The following TOR1AIP1 variants were observed in gnomAD, a reference collection of about 807,000 sequenced individuals.
TOR1AIP1 encodes torsin 1A interacting protein 1, also known as torsin-1A-interacting protein 1.
In TOR1AIP1, 54 loss-of-function variants were observed where a neutral mutation model predicts 63.3. The ratio of observed to expected loss-of-function variants is 0.85; its 90% CI spans 0.69 to 1.07. TOR1AIP1 has a LOEUF of 1.07. Ranked by LOEUF, TOR1AIP1 falls within the 50% of genes least tolerant of loss-of-function variation. The pLI is 0.00. For missense variants in TOR1AIP1, 736 were observed against 715.0 expected, an observed-to-expected ratio of 1.03 and a Z score of -0.33; for synonymous variants, 294 against 273.5, an observed-to-expected ratio of 1.07 and a Z score of -0.74.
intron 3 of TOR1AIP1, among the ~76,000 whole-genome samples, chr1:179,893,464 A>G: frequency 6.6e-6 from 1 of 152,032 alleles, no homozygotes; most frequent in East Asian, 1.9e-4. Context: ...TTTTTGAGAC[A>G]GAGTCTCAAT....
intron 3 of TOR1AIP1, among the ~76,000 whole-genome samples, chr1:179,899,574 GT>G (rs980637848): frequency 1.3e-5 from 2 of 151,994 alleles, no homozygotes; most frequent in South Asian, 4.2e-4. Context: ...AGAATTTAAT[GT>G]TTTTTTTGCA....
intron 2 of TOR1AIP1, 118 bp downstream of exon 2, chr1:179,884,887 G>A (rs1647868970): frequency 1.5e-6 from 1 of 680,886 alleles, no homozygotes; most frequent in Admixed American, 3.4e-5. Flanking sequence ...GAGTACTCAA[G>A]AGTACCAGCC....
At chr1:179,901,458 TA>T (rs1320226571) in intron 5 of TOR1AIP1, 70 bp downstream of exon 5, 30 of 967,134 alleles carry the variant, frequency 3.1e-5, no homozygotes, top group Admixed American at 6.0e-5. Context: ...ATTTGCTTTT[TA>T]AAAAAAACTT....
At chr1:179,902,192 A>C (rs913104005) in intron 5 of TOR1AIP1, among the ~76,000 whole-genome samples, 1 of 150,212 alleles carries the variant, frequency 6.7e-6, no homozygotes, top group African/African-American at 2.5e-5. Flanking sequence ...CATCTGGCTA[A>C]TTTTTGTATT....
intron 3 of TOR1AIP1, among the ~76,000 whole-genome samples, chr1:179,892,880 A>T (rs1007162605): frequency 6.6e-6 from 1 of 152,064 alleles, no homozygotes; most frequent in African/African-American, 2.4e-5. Flanking sequence ...ATTTAAATTC[A>T]TTTTTTTGTG....
chr1:179,918,055 T>A lies in TOR1AIP1; in HGVS notation c.1568T>A (p.Leu523Gln), dbSNP rs201388189. ...GAGGAAGAGACACTTGGAACAAGTC[T>A]AGGCCTAAAGGAAGTTGAAGAAAAA... Reference protein sequence around the residue: ...LLEEETLGTSLGLKEVEEKVR... With the variant: ...LLEEETLGTSQGLKEVEEKVR... The change falls in exon 10 of 10, where the codon CTA (leucine) becomes CAA (glutamine). Residue 523 changes from leucine to glutamine, a missense_variant. Leu to Gln is a moderately radical substitution (Grantham distance 113). Transcript: ENST00000606911. The A allele has an allele frequency of 6.2e-7, 1 of 1,614,234 alleles. No homozygotes were observed. Among genetic ancestry groups the A allele is most frequent in the East Asian group, 2.2e-5 (1 of 44,884 alleles).
chr1:179,884,736 A>G lies in TOR1AIP1; in HGVS notation c.520A>G (p.Lys174Glu). The change falls in exon 2 of 10, where the codon AAG becomes GAG. Residue 174 changes from lysine (K) to glutamate (E), a missense_variant. Lys to Glu is a moderately conservative substitution (Grantham distance 56, BLOSUM62 1). Transcript: ENST00000606911. Reference protein sequence around the residue: ...SQTDLSQTISKKTVRSIQEAP... With the variant: ...SQTDLSQTISEKTVRSIQEAP... ...AACTGATTTAAGCCAAACGATCTCA[A>G]AGAAAACTGTCAGGAGCATACAAGA... 6.2e-7 allele frequency: 1 copy of G among 1,612,514 alleles called. No homozygotes were observed. The highest frequency in any genetic ancestry group is 8.5e-7 in the Non-Finnish European group (1 of 1,179,472).
At chr1:179,883,026 G>A (rs745875967) in intron 1 of TOR1AIP1, 49 bp downstream of exon 1, 1 of 1,544,698 alleles carries the variant, frequency 6.5e-7, no homozygotes, top group Non-Finnish European at 8.8e-7. Context: ...GGGAACGCGC[G>A]GGGGCGGGCG....
intron 3 of TOR1AIP1, among the ~76,000 whole-genome samples, chr1:179,890,025 T>C (rs1214854566): frequency 6.6e-6 from 1 of 152,204 alleles, no homozygotes; most frequent in Non-Finnish European, 1.5e-5. Flanking sequence ...TATAAAAAGC[T>C]TCCTTTTTTA....
At chr1:179,913,841 A>G (rs1463645484) in intron 8 of TOR1AIP1, among the ~76,000 whole-genome samples, 157 bp from the exon 9 acceptor site, 1 of 152,214 alleles carries the variant, frequency 6.6e-6, no homozygotes, top group Non-Finnish European at 1.5e-5. Flanking sequence ...CTCTCAGTCT[A>G]ATCGGCACTC....
At chr1:179,897,577 A>G (rs552150208) in intron 3 of TOR1AIP1, among the ~76,000 whole-genome samples, 1 of 152,342 alleles carries the variant, frequency 6.6e-6, no homozygotes, top group Admixed American at 6.5e-5. Context: ...ATGAATGTAA[A>G]TCTCCAACAT....
chr1:179,915,138 C>T (rs1648955940), intron 9 of TOR1AIP1, among the ~76,000 whole-genome samples: 1 of 152,032 alleles, frequency 6.6e-6, no homozygotes, highest in African/African-American at 2.4e-5. Context: ...ACAAAAAATC[C>T]AGCTTTTATA....
intron 3 of TOR1AIP1, among the ~76,000 whole-genome samples, chr1:179,895,392 C>A (rs926821640): frequency 6.6e-6 from 1 of 152,054 alleles, no homozygotes; most frequent in Non-Finnish European, 1.5e-5. Context: ...GCAGGTGGAT[C>A]GCTTGAACCC....
At chr1:179,915,528 G>A (rs1046233058) in intron 9 of TOR1AIP1, among the ~76,000 whole-genome samples, 2 of 152,244 alleles carry the variant, frequency 1.3e-5, no homozygotes, top group African/African-American at 4.8e-5. Flanking sequence ...GGCCCAGGCG[G>A]ATGGATCACC....
chr1:179,891,933 C>T (rs1438045557), intron 3 of TOR1AIP1, among the ~76,000 whole-genome samples: 1 of 152,182 alleles, frequency 6.6e-6, no homozygotes, highest in South Asian at 2.1e-4. Context: ...TGCTGTAATA[C>T]GTTCGTTGAA....
Position 179,889,318 on chromosome 1 carries a change from G to C in TOR1AIP1, c.559G>C (p.Glu187Gln), listed in dbSNP as rs1452792883. 6.2e-7 allele frequency: 1 copy of C among 1,602,342 alleles called. No homozygotes were observed. Among genetic ancestry groups the C allele is most frequent in the Admixed American group, 1.7e-5 (1 of 59,814 alleles). Residue 187 changes from glutamate to glutamine, a missense_variant, in exon 3 of 10, where the codon GAA becomes CAA. This residue lies in a region of TOR1AIP1 where 464 missense variants were observed against 371.0 expected (regional missense o/e 1.25). Transcript: ENST00000606911. ...TTCTCTTCCTATATTAGCAGTGAGTGAAGATCTTGTAATCAGGTTACGTCG... is the reference window on the plus strand; with the variant it reads ...TTCTCTTCCTATATTAGCAGTGAGTCAAGATCTTGTAATCAGGTTACGTCG... ...VRSIQEAPVS[E>Q]DLVIRLRRPP... is the part of the protein sequence containing the mutation.
rs188262171 is a variant in TOR1AIP1 at position 179,918,521 on chromosome 1, A to G, written c.*282A>G. On this transcript the variant is annotated 3_prime_UTR_variant, in exon 10 of 10. Transcript: ENST00000606911. ...TGTTTTGATTCTGGGCTGAGTTATTACAGTTATGGTATGACCAGTGAGAGG... is the reference window on the plus strand; with the variant it reads ...TGTTTTGATTCTGGGCTGAGTTATTGCAGTTATGGTATGACCAGTGAGAGG... The G allele has an allele frequency of 1.7e-4, 54 of 321,646 alleles. 1 individual carries two copies. The East Asian group carries it at 2.9e-3, about 17-fold the overall frequency. The allele number at this position is 321,646 out of a possible 1,614,324, so 19.9% of individuals were successfully genotyped here.
chr1:179,882,499 A>G lies in TOR1AIP1; in HGVS notation c.-4A>G. On this transcript the variant is annotated 5_prime_UTR_variant, in exon 1 of 10. Coordinates refer to ENST00000606911, the MANE Select transcript of TOR1AIP1 (RefSeq NM_015602.4). ...CGCGATCGACTAAAGCTACGTCAACAACTATGGCGGGCGACGGGCGGCGGG... is the reference window on the plus strand; with the variant it reads ...CGCGATCGACTAAAGCTACGTCAACGACTATGGCGGGCGACGGGCGGCGGG... 6.8e-7 allele frequency: 1 copy of G among 1,468,002 alleles called. No homozygotes were observed. The highest frequency in any genetic ancestry group is 1.5e-5 in the South Asian group (1 of 68,532). 90.9% of individuals were successfully genotyped at this position (1,468,002 alleles called of 1,614,324 possible). A position where few individuals can be genotyped will look rare whatever the true frequency, so the allele number is the denominator to read the frequency against.
intron 8 of TOR1AIP1, chr1:179,913,495 G>A (rs921591050): frequency 9.3e-5 from 64 of 685,966 alleles, no homozygotes; most frequent in Non-Finnish European, 1.5e-4. Context: ...AGAAAATAGT[G>A]AGGATTAAGA....
Sources: gnomAD v4.1 joint callset for allele counts (sites outside exome capture counted in the v4.1 genomes callset) on GRCh38, gnomAD v4.1.1 for gene constraint, gnomAD v4.1.1 regional missense constraint, MANE v1.5 for transcripts, NCBI Gene and HGNC (gene_info 2026-07-23, HGNC 2026-07-21) for gene names.